The following PEDS1 variants were observed in gnomAD, a reference collection of about 807,000 sequenced individuals.
PEDS1 encodes the protein CarF homolog.
A neutral mutation model predicts 35.2 loss-of-function variants in PEDS1; 14 were observed. That is an observed-to-expected ratio of 0.40 (90% CI 0.26 to 0.62). PEDS1 has a LOEUF of 0.62. Ranked by LOEUF, PEDS1 falls within the 20% of genes least tolerant of loss-of-function variation. The pLI is 0.44. For synonymous variants in PEDS1, 152 were observed against 152.0 expected, an observed-to-expected ratio of 1.00 and a Z score of 0.00; for missense variants, 260 against 367.8, an observed-to-expected ratio of 0.71 and a Z score of 2.40.
intron 1 of PEDS1, among the ~76,000 whole-genome samples, chr20:50,143,883 G>C: frequency 6.6e-6 from 1 of 152,124 alleles, no homozygotes; most frequent in Non-Finnish European, 1.5e-5. Flanking sequence ...TTTTTTAGTA[G>C]AGATGGGGTT....
rs966938684 is a variant in PEDS1 at position 50,150,029 on chromosome 20, C to T, written c.121+3488G>A. 3.3e-5 allele frequency among the ~76,000 whole-genome samples: 5 copies of T among 152,298 alleles called. No individual in the cohort carries two copies. The South Asian group carries it at 1.0e-3, about 32-fold the overall frequency. ...ATAGGTTCAGTCCCTGTCCTGCTGG[C>T]CTTCCCATCAGGTGAGGGCAGATGC... On this transcript the variant is annotated intron_variant, in intron 1 of 5. Transcript: ENST00000371652.
intron 1 of PEDS1, among the ~76,000 whole-genome samples, chr20:50,146,498 G>T (rs2081346545): frequency 6.6e-6 from 1 of 152,070 alleles, no homozygotes; most frequent in Admixed American, 6.6e-5. Context: ...TTTGTCTCTG[G>T]GTGCCGCTCA....
intron 1 of PEDS1, chr20:50,151,353 C>T (rs369774110): frequency 1.6e-6 from 2 of 1,242,058 alleles, no homozygotes; most frequent in Non-Finnish European, 2.1e-6. Flanking sequence ...TGCAATTGAT[C>T]GTGGTGGAGT....
rs774066666 is a variant in PEDS1 at position 50,125,140 on chromosome 20, C to T, written c.731G>A (p.Arg244Gln). 1.4e-5 allele frequency: 23 copies of T among 1,614,120 alleles called. No homozygotes were observed. Among genetic ancestry groups the T allele is most frequent in the Non-Finnish European group, 1.8e-5 (21 of 1,179,974 alleles). The stretch of plus-strand genomic sequence containing the variant: ...GCCCTGGATGAGGTCCTCCAGGCGT[C>T]GCCAGAAGCCTATCTTCTCCAGAGG... ...NYPLEKIGFW[R>Q]RLEDLIQGLT... is the part of the protein sequence containing the mutation. The change falls in exon 6 of 6, where the codon CGA becomes CAA. Residue 244 changes from arginine to glutamine, a missense_variant. Physicochemically the swap from Arg to Gln is conservative, Grantham distance 43 (BLOSUM62 1). Transcript: ENST00000371652.
chr20:50,130,077 T>C (rs1303517190), intron 3 of PEDS1, among the ~76,000 whole-genome samples: 1 of 152,128 alleles, frequency 6.6e-6, no homozygotes, highest in Non-Finnish European at 1.5e-5. Context: ...CCTCCCCTCC[T>C]TAGTCCAGGC....
intron 5 of PEDS1, among the ~76,000 whole-genome samples, chr20:50,126,544 C>T (rs530301143): frequency 1.3e-5 from 2 of 152,264 alleles, no homozygotes; most frequent in African/African-American, 2.4e-5. Context: ...TGCCAAACAC[C>T]GCATTTGCCA....
intron 3 of PEDS1, among the ~76,000 whole-genome samples, 158 bp downstream of exon 3, chr20:50,130,698 C>T (rs983728954): frequency 2.6e-5 from 4 of 152,206 alleles, no homozygotes; most frequent in African/African-American, 9.6e-5. Context: ...TCCCAAGGGA[C>T]TCCTGTTCTA....
At chr20:50,146,212 A>G (rs1054460021) in intron 1 of PEDS1, among the ~76,000 whole-genome samples, 11 of 151,264 alleles carry the variant, frequency 7.3e-5, no homozygotes, top group African/African-American at 2.7e-4. Context: ...TGTTCTCTTC[A>G]CTCCCTGTGC....
intron 1 of PEDS1, among the ~76,000 whole-genome samples, chr20:50,148,065 G>C (rs1401503967): frequency 6.6e-6 from 1 of 152,190 alleles, no homozygotes; most frequent in Non-Finnish European, 1.5e-5. Context: ...ACTCCAGCCT[G>C]GGCGACAGAG....
At position 50,153,654 on chromosome 20, in the gene PEDS1, G is replaced by T; in HGVS notation, c.-17C>A. On this transcript the variant is annotated 5_prime_UTR_variant, in exon 1 of 6. Coordinates refer to ENST00000371652, the MANE Select transcript of PEDS1 (RefSeq NM_199129.4). The stretch of plus-strand genomic sequence containing the variant: ...GCCCGCCATGGCCACTCGCCCGATC[G>T]GCCCGGTGCGCTCTGCTGGCGGCGG... 1.6e-6 allele frequency: 2 copies of T among 1,225,972 alleles called. No homozygotes were observed. The highest frequency in any genetic ancestry group is 3.9e-5 in the South Asian group (1 of 25,502). The allele number at this position is 1,225,972 out of a possible 1,614,324, so 75.9% of individuals were successfully genotyped here.
At chr20:50,131,819 G>A (rs2081183581) in intron 2 of PEDS1, among the ~76,000 whole-genome samples, 1 of 152,184 alleles carries the variant, frequency 6.6e-6, no homozygotes, top group South Asian at 2.1e-4. Flanking sequence ...GGGTTCAGTA[G>A]ATTTGGACTC....
Position 50,143,365 on chromosome 20 carries a change from G to A in PEDS1, c.241+137C>T, listed in dbSNP as rs370582342. 343 of 1,392,906 alleles carry A rather than the reference G, an allele frequency of 2.5e-4. 4 individuals carry two copies. The African/African-American group carries it at 4.4e-3, about 18-fold the overall frequency. The allele number at this position is 1,392,906 out of a possible 1,614,324, so 86.3% of individuals were successfully genotyped here. A position where few individuals can be genotyped will look rare whatever the true frequency, so the allele number is the denominator to read the frequency against. On this transcript the variant is annotated intron_variant, in intron 2 of 5. Coordinates refer to ENST00000371652, the MANE Select transcript of PEDS1 (RefSeq NM_199129.4). ...AGGGAGGTGCTGCTGACTGCAATAG[G>A]GAGGTGGGGTACTCAAGGCACATAC... is the stretch of plus-strand genomic sequence containing the variant.
intron 1 of PEDS1, among the ~76,000 whole-genome samples, chr20:50,152,540 A>G (rs370747345): frequency 4.0e-5 from 6 of 150,360 alleles, no homozygotes; most frequent in Non-Finnish European, 8.8e-5. Flanking sequence ...GGGCTCACGT[A>G]GGAGTCACAA....
At chr20:50,151,579 G>A (rs61585955) in intron 1 of PEDS1, among the ~76,000 whole-genome samples, 1,564 of 152,298 alleles carry the variant, frequency 0.01, 29 homozygotes, top group African/African-American at 0.036. Flanking sequence ...ACAGGGAGGC[G>A]CCAGGCACAG....
At position 50,127,874 on chromosome 20, in the gene PEDS1, G is replaced by T. The variant is rs553034539; in HGVS notation, c.691+101C>A. The T allele has an allele frequency of 3.8e-3, 5,632 of 1,471,406 alleles. 11 individuals are homozygous for T. Among genetic ancestry groups the T allele is most frequent in the Non-Finnish European group, 4.7e-3 (5,144 of 1,083,852 alleles). The allele number at this position is 1,471,406 out of a possible 1,614,324, so 91.1% of individuals were successfully genotyped here. A position where few individuals can be genotyped will look rare whatever the true frequency, so the allele number is the denominator to read the frequency against. ...CTGAGAGACTGTTCCCAGAGGGCAA[G>T]GACTGTGTGACCTCCTGCTGTGATC... On this transcript the variant is annotated intron_variant, in intron 5 of 5. Coordinates refer to ENST00000371652, the MANE Select transcript of PEDS1 (RefSeq NM_199129.4).
intron 1 of PEDS1, among the ~76,000 whole-genome samples, chr20:50,151,029 G>T (rs2081397690): frequency 6.6e-6 from 1 of 152,078 alleles, no homozygotes; most frequent in Admixed American, 6.6e-5. Context: ...TCACCATTCT[G>T]CCCCCAGAGC....
intron 2 of PEDS1, among the ~76,000 whole-genome samples, chr20:50,138,852 G>A (rs2081262799): frequency 6.6e-6 from 1 of 152,218 alleles, no homozygotes; most frequent in African/African-American, 2.4e-5. Flanking sequence ...ACAAGGAGAG[G>A]GATGGGAGAC....
In PEDS1 at chr20:50,146,236, C is replaced by A. The variant is rs367641437; in HGVS notation, c.122-2615G>T. On this transcript the variant is annotated intron_variant, in intron 1 of 5. Transcript: ENST00000371652. Reference sequence around the variant, plus strand: ...CACTCCCTGTGCACCTGACACTGTTCCTGCAGATCTCACCCTGGAAACCTC... The same window carrying A: ...CACTCCCTGTGCACCTGACACTGTTACTGCAGATCTCACCCTGGAAACCTC... Among the ~76,000 whole-genome samples the A allele has an allele frequency of 9.2e-5, 14 of 152,236 alleles. No homozygotes were observed. In the East Asian group the frequency reaches 1.7e-3, roughly 19 times the overall value.
chr20:50,147,108 T>G lies in PEDS1; in HGVS notation c.122-3487A>C, dbSNP rs142501008. 5.1e-4 allele frequency among the ~76,000 whole-genome samples: 78 copies of G among 152,202 alleles called. No homozygotes were observed. The East Asian group carries it at 8.7e-3, about 17-fold the overall frequency. On this transcript the variant is annotated intron_variant, in intron 1 of 5. Transcript: ENST00000371652. ...GAAGTGGGCAGAGCCAACTGCAACA[T>G]GATCAAATAACAGTTACCCTAACAA...
Sources: gnomAD v4.1 joint callset for allele counts (sites outside exome capture counted in the v4.1 genomes callset) on GRCh38, gnomAD v4.1.1 for gene constraint, MANE v1.5 for transcripts, NCBI Gene and HGNC (gene_info 2026-07-23, HGNC 2026-07-21) for gene names.